AP3B1: variants seen among roughly 807,000 people sequenced by gnomAD.
AP3B1 encodes the protein AP-3 complex subunit beta-1.
AP3B1 carries 61 observed loss-of-function variants against 132.5 expected under a neutral mutation model. The observed-to-expected ratio is 0.46, with a 90% confidence interval of 0.37 to 0.57. The LOEUF is 0.57. AP3B1 is among the 20% of genes least tolerant of loss of function. The pLI is 0.00. For missense variants in AP3B1, 1,120 were observed against 1,289.4 expected, an observed-to-expected ratio of 0.87 and a Z score of 2.01; for synonymous variants, 388 against 438.3, an observed-to-expected ratio of 0.89 and a Z score of 1.43.
intron 3 of AP3B1, among the ~76,000 whole-genome samples, chr5:78,240,073 A>G (rs1460966532): frequency 6.6e-6 from 1 of 152,180 alleles, no homozygotes; most frequent in African/African-American, 2.4e-5. Context: ...TTACGCTCTC[A>G]CACTTGCCCG....
In AP3B1 at chr5:78,077,105, A is replaced by T. The variant is rs571913147; in HGVS notation, c.2577+12288T>A. Reference sequence around the variant, plus strand: ...TTGAGTTTGGCTACCTCCAAGAGGCATACAACAACAAATTAGGCCTTTTTG... The same window carrying T: ...TTGAGTTTGGCTACCTCCAAGAGGCTTACAACAACAAATTAGGCCTTTTTG... On this transcript the variant is annotated intron_variant, in intron 22 of 26. Coordinates refer to ENST00000255194, the MANE Select transcript of AP3B1 (RefSeq NM_003664.5). 2.0e-5 allele frequency among the ~76,000 whole-genome samples: 3 copies of T among 152,318 alleles called. No individual in the cohort carries two copies. In the East Asian group the frequency reaches 5.8e-4, roughly 29 times the overall value.
chr5:78,163,024 T>G (rs751756962), intron 12 of AP3B1, 73 bp from the exon 13 acceptor site: 34 of 1,404,326 alleles, frequency 2.4e-5, no homozygotes, highest in Non-Finnish European at 3.4e-5. Context: ...TATATTAAAC[T>G]TTGTCAATAT....
intron 24 of AP3B1, among the ~76,000 whole-genome samples, chr5:78,024,561 ATTT>A (rs70997962): frequency 8.8e-6 from 1 of 113,470 alleles, no homozygotes. Flanking sequence ...AGCTAATTTA[ATTT>A]TTTTTTTTTT....
At chr5:78,220,317 A>G (rs918652108) in intron 6 of AP3B1, among the ~76,000 whole-genome samples, 1 of 149,564 alleles carries the variant, frequency 6.7e-6, no homozygotes, top group Non-Finnish European at 1.5e-5. Context: ...CCCAAATCCA[A>G]AAAAAAAAAC....
At chr5:78,091,440 C>T (rs537105858) in intron 21 of AP3B1, among the ~76,000 whole-genome samples, 5 of 152,182 alleles carry the variant, frequency 3.3e-5, no homozygotes, top group African/African-American at 1.2e-4. Context: ...CCTACGCTCA[C>T]TTAGTACGGC....
At chr5:78,045,558 C>A (rs1331867351) in intron 22 of AP3B1, among the ~76,000 whole-genome samples, 1 of 151,814 alleles carries the variant, frequency 6.6e-6, no homozygotes, top group African/African-American at 2.4e-5. Flanking sequence ...CGACTACTTC[C>A]ACATATAATA....
chr5:78,273,798 A>C (rs1394974483), intron 1 of AP3B1, among the ~76,000 whole-genome samples: 1 of 152,110 alleles, frequency 6.6e-6, no homozygotes. Flanking sequence ...AAGTTCCATA[A>C]ACAAGACCTT....
intron 22 of AP3B1, among the ~76,000 whole-genome samples, chr5:78,048,824 T>C (rs984052969): frequency 1.3e-5 from 2 of 152,158 alleles, no homozygotes; most frequent in South Asian, 4.1e-4. Context: ...TGGGATTCTA[T>C]CATCTATCTC....
At chr5:78,184,506 G>A (rs1378719181) in intron 7 of AP3B1, among the ~76,000 whole-genome samples, 1 of 151,678 alleles carries the variant, frequency 6.6e-6, no homozygotes, top group Non-Finnish European at 1.5e-5. Context: ...CTAACACGGT[G>A]AAACCCCGCC....
intron 13 of AP3B1, among the ~76,000 whole-genome samples, chr5:78,161,057 T>C (rs1743367894): frequency 6.6e-6 from 1 of 151,880 alleles, no homozygotes; most frequent in Non-Finnish European, 1.5e-5. Flanking sequence ...ACCATTAAAA[T>C]ATCAAAATTT....
chr5:78,218,177 C>A (rs1199784329), intron 6 of AP3B1, among the ~76,000 whole-genome samples: 1 of 151,988 alleles, frequency 6.6e-6, no homozygotes, highest in East Asian at 1.9e-4. Flanking sequence ...TGACCCTGGG[C>A]TAAACACTAC....
chr5:78,048,335 C>T lies in AP3B1; in HGVS notation c.2578-9061G>A, dbSNP rs551093674. On this transcript the variant is annotated intron_variant, in intron 22 of 26. Coordinates refer to ENST00000255194, the MANE Select transcript of AP3B1 (RefSeq NM_003664.5). ...GCTGGCCTTTTGAGGAAGCTTTGCC[C>T]CCAATGCTTCTTTACCCTATAGTGG... 2.6e-5 allele frequency among the ~76,000 whole-genome samples: 4 copies of T among 152,186 alleles called. No homozygotes were observed. In the South Asian group the frequency reaches 6.2e-4, roughly 24 times the overall value.
intron 22 of AP3B1, among the ~76,000 whole-genome samples, chr5:78,069,916 G>T (rs1749463286): frequency 6.6e-6 from 1 of 152,040 alleles, no homozygotes; most frequent in Non-Finnish European, 1.5e-5. Flanking sequence ...TAGACCAATG[G>T]AACAAAATGG....
At chr5:78,198,134 C>T (rs1272070308) in intron 7 of AP3B1, among the ~76,000 whole-genome samples, 1 of 152,164 alleles carries the variant, frequency 6.6e-6, no homozygotes, top group Non-Finnish European at 1.5e-5. Flanking sequence ...ACATAAAAGA[C>T]ACTGAATATA....
At chr5:78,292,533 TTCTACC>T (rs1749569991) in intron 1 of AP3B1, among the ~76,000 whole-genome samples, 1 of 152,202 alleles carries the variant, frequency 6.6e-6, no homozygotes, top group African/African-American at 2.4e-5. Flanking sequence ...CAGTGCAATG[TTCTACC>T]TTTGTGGCCT....
intron 13 of AP3B1, among the ~76,000 whole-genome samples, chr5:78,157,018 C>G (rs967144122): frequency 6.6e-6 from 1 of 152,174 alleles, no homozygotes; most frequent in Admixed American, 6.5e-5. Flanking sequence ...TCTGCCTCAA[C>G]CAGACTCCCT....
At position 78,015,847 on chromosome 5, in the gene AP3B1, TTAAAG is replaced by T. The variant is rs1358243920; in HGVS notation, c.2993-304_2993-300del. 4 of 335,728 alleles carry T rather than the reference TTAAAG, an allele frequency of 1.2e-5. No individual in the cohort carries two copies. The East Asian group carries it at 2.2e-4, about 19-fold the overall frequency. The allele number at this position is 335,728 out of a possible 1,614,324, so 20.8% of individuals were successfully genotyped here. A position where few individuals can be genotyped will look rare whatever the true frequency, so the allele number is the denominator to read the frequency against. On this transcript the variant is annotated intron_variant, in intron 25 of 26. Transcript: ENST00000255194. ...ATATGAAATATCAATTTCAGTCTCT[TTAAAG>T]TATACTCAATCTGGGGTTTATGTAA...
intron 6 of AP3B1, among the ~76,000 whole-genome samples, chr5:78,222,870 C>G (rs1746240230): frequency 6.6e-6 from 1 of 151,890 alleles, no homozygotes; most frequent in Non-Finnish European, 1.5e-5. Context: ...ATATTTAACT[C>G]TAATTATTAG....
intron 22 of AP3B1, among the ~76,000 whole-genome samples, chr5:78,071,915 C>T (rs1011131829): frequency 2.6e-5 from 4 of 152,092 alleles, no homozygotes; most frequent in Admixed American, 1.3e-4. Flanking sequence ...AATCCTGTTC[C>T]CTAATTTCAT....
Sources: allele counts gnomAD v4.1 joint callset (sites outside exome capture counted in the v4.1 genomes callset), GRCh38; gene constraint gnomAD v4.1.1; transcripts MANE v1.5; gene names NCBI Gene and HGNC (gene_info 2026-07-23, HGNC 2026-07-21).